Variants in MNAT1 observed in about 807,000 individuals in gnomAD.
The protein encoded by MNAT1 is CDK-activating kinase assembly factor MAT1.
A neutral mutation model predicts 42.0 loss-of-function variants in MNAT1; 43 were observed. That is an observed-to-expected ratio of 1.02 (90% confidence interval 0.80 to 1.32). MNAT1 has a LOEUF of 1.32. Among genes scored for constraint, MNAT1 ranks in the 40% most tolerant of loss-of-function variants. The pLI is 0.00. For missense variants in MNAT1, 306 were observed against 350.4 expected, an observed-to-expected ratio of 0.87 and a Z score of 1.01; for synonymous variants, 118 against 120.0, an observed-to-expected ratio of 0.98 and a Z score of 0.11.
rs145762036 is a variant in MNAT1 at position 60,783,549 on chromosome 14, T to A, written c.90-12668T>A. ...AGCTGTGCTCTAGCCCAGGCTGGAG[T>A]GCAGTGGTGTGATCTTGGCTCACTG... On this transcript the variant is annotated intron_variant, in intron 1 of 7. Coordinates refer to ENST00000261245, the MANE Select transcript of MNAT1 (RefSeq NM_002431.4). 3.6e-3 allele frequency among the ~76,000 whole-genome samples: 555 copies of A among 152,284 alleles called. 3 individuals carry two copies. The highest frequency in any genetic ancestry group is 0.012 in the African/African-American group (518 of 41,556).
chr14:60,910,762 C>G (rs542404267), intron 7 of MNAT1, among the ~76,000 whole-genome samples: 1 of 152,230 alleles, frequency 6.6e-6, no homozygotes, highest in African/African-American at 2.4e-5. Flanking sequence ...TCAATGTTCT[C>G]AAGGATATTG....
Position 60,940,728 on chromosome 14 carries a change from A to G in MNAT1, c.810-27501A>G, listed in dbSNP as rs568983068. Among the ~76,000 whole-genome samples, 114 of 152,144 alleles carry G rather than the reference A, an allele frequency of 7.5e-4. No individual in the cohort carries two copies. The South Asian group carries it at 0.023, about 31-fold the overall frequency. On this transcript the variant is annotated intron_variant, in intron 7 of 7. Transcript: ENST00000261245. ...CACTGCACCTGGCCGTCTGTCTCAA[A>G]GCTTTCTTACTTATTTATCTGAATT...
rs567115820 is a variant in MNAT1, at chr14:60,962,895, G to A, written c.810-5334G>A. 5.3e-5 allele frequency among the ~76,000 whole-genome samples: 8 copies of A among 152,270 alleles called. No individual in the cohort carries two copies. The East Asian group carries it at 1.5e-3, about 29-fold the overall frequency. On this transcript the variant is annotated intron_variant, in intron 7 of 7. Transcript: ENST00000261245. Reference sequence around the variant, plus strand: ...ATTCAAATTGTATTCTCACTAGCTGGCTAGATGGTAAAGTGTAAGAGTAAC... The same window carrying A: ...ATTCAAATTGTATTCTCACTAGCTGACTAGATGGTAAAGTGTAAGAGTAAC...
intron 1 of MNAT1, among the ~76,000 whole-genome samples, chr14:60,795,546 C>T (rs1022623289): frequency 3.3e-5 from 5 of 152,140 alleles, no homozygotes; most frequent in Admixed American, 1.3e-4. Flanking sequence ...CCTGGGAATT[C>T]GGTTTGCTTT....
At chr14:60,853,898 A>G (rs575987531) in intron 6 of MNAT1, among the ~76,000 whole-genome samples, 2 of 152,186 alleles carry the variant, frequency 1.3e-5, no homozygotes, top group East Asian at 1.9e-4. Context: ...GATGAAGCCA[A>G]CTTGATCATG....
At chr14:60,771,914 A>G (rs995454767) in intron 1 of MNAT1, among the ~76,000 whole-genome samples, 4 of 152,118 alleles carry the variant, frequency 2.6e-5, no homozygotes, top group African/African-American at 7.2e-5. Context: ...TGATGGGTAA[A>G]TTTTCTTTGA....
chr14:60,836,557 C>T (rs560299118), intron 6 of MNAT1, among the ~76,000 whole-genome samples: 1 of 152,318 alleles, frequency 6.6e-6, no homozygotes, highest in East Asian at 1.9e-4. Flanking sequence ...GCCTGGGTAT[C>T]CCCAGCGGAG....
intron 7 of MNAT1, among the ~76,000 whole-genome samples, chr14:60,916,766 A>G (rs927063257): frequency 6.6e-6 from 1 of 152,196 alleles, no homozygotes; most frequent in African/African-American, 2.4e-5. Context: ...AGACTGGGCA[A>G]CGTGGTGAAA....
At chr14:60,820,670 C>T (rs1352873262) in intron 6 of MNAT1, among the ~76,000 whole-genome samples, 2 of 151,946 alleles carry the variant, frequency 1.3e-5, no homozygotes, top group Non-Finnish European at 2.9e-5. Context: ...AGGATAATTG[C>T]CATCATTTCT....
intron 7 of MNAT1, among the ~76,000 whole-genome samples, chr14:60,905,496 G>C (rs943437638): frequency 6.6e-6 from 1 of 152,156 alleles, no homozygotes; most frequent in Admixed American, 6.5e-5. Context: ...TGATTATAGA[G>C]GCTGAGAAGT....
intron 3 of MNAT1, among the ~76,000 whole-genome samples, chr14:60,806,372 C>G (rs576308907): frequency 9.9e-5 from 15 of 152,098 alleles, no homozygotes; most frequent in Non-Finnish European, 1.3e-4. Context: ...TGAGATGAGC[C>G]CTATGGGTAG....
intron 1 of MNAT1, among the ~76,000 whole-genome samples, chr14:60,791,053 T>C (rs1306439737): frequency 6.6e-6 from 1 of 152,234 alleles, no homozygotes; most frequent in African/African-American, 2.4e-5. Flanking sequence ...TGAGTTTTTC[T>C]GGCACAGCTT....
intron 3 of MNAT1, among the ~76,000 whole-genome samples, chr14:60,807,010 C>T (rs1461181533): frequency 6.6e-6 from 1 of 152,144 alleles, no homozygotes; most frequent in African/African-American, 2.4e-5. Flanking sequence ...TTCTTTCCCA[C>T]TTTATGTTAA....
chr14:60,901,741 G>A lies in MNAT1; in HGVS notation c.809+21906G>A, dbSNP rs186092854. ...AATAGCAAGAAAACTAGAATTAGCC[G>A]TGGAGACTGAAGATATGACTGAATT... On this transcript the variant is annotated intron_variant, in intron 7 of 7. Transcript: ENST00000261245. 7.1e-4 allele frequency among the ~76,000 whole-genome samples: 108 copies of A among 152,320 alleles called. 2 individuals are homozygous for A. In the East Asian group the frequency reaches 0.02, roughly 28 times the overall value.
chr14:60,849,093 A>T (rs2033754332), intron 6 of MNAT1, among the ~76,000 whole-genome samples: 1 of 152,218 alleles, frequency 6.6e-6, no homozygotes, highest in Admixed American at 6.5e-5. Flanking sequence ...ATGGAAAGGA[A>T]ATAAAATAAT....
At chr14:60,789,989 T>C (rs1287799017) in intron 1 of MNAT1, among the ~76,000 whole-genome samples, 2 of 152,156 alleles carry the variant, frequency 1.3e-5, no homozygotes, top group Non-Finnish European at 2.9e-5. Flanking sequence ...TGAATGTTTA[T>C]GCACAAAGTT....
At chr14:60,752,369 A>T (rs1030477284) in intron 1 of MNAT1, among the ~76,000 whole-genome samples, 5 of 152,282 alleles carry the variant, frequency 3.3e-5, no homozygotes, top group African/African-American at 7.2e-5. Flanking sequence ...TGCATTTTTT[A>T]AAAAATGTAT....
At chr14:60,817,275 A>G (rs1470512833) in intron 5 of MNAT1, among the ~76,000 whole-genome samples, 1 of 151,822 alleles carries the variant, frequency 6.6e-6, no homozygotes, top group Non-Finnish European at 1.5e-5. Flanking sequence ...AGCTGCAAGG[A>G]ATCTTAGCAA....
chr14:60,890,476 G>A (rs548678073), intron 7 of MNAT1, among the ~76,000 whole-genome samples: 5 of 152,208 alleles, frequency 3.3e-5, no homozygotes, highest in South Asian at 4.2e-4. Flanking sequence ...AGTTTATTAC[G>A]GAGTATTGAC....
Sources: allele counts gnomAD v4.1 joint callset (sites outside exome capture counted in the v4.1 genomes callset), GRCh38; gene constraint gnomAD v4.1.1; transcripts MANE v1.5; gene names NCBI Gene and HGNC (gene_info 2026-07-23, HGNC 2026-07-21).